MYPOP: variants seen among roughly 807,000 people sequenced by gnomAD.
The protein encoded by MYPOP is myb-related transcription factor, partner of profilin.
Under a neutral mutation model 25.7 loss-of-function variants are expected in MYPOP, and 21 were observed. The observed-to-expected ratio is 0.82, with a 90% confidence interval of 0.58 to 1.18. MYPOP has a LOEUF of 1.18. Ranked by LOEUF, MYPOP falls within the 50% of genes most tolerant of loss-of-function variation. The pLI, the probability that MYPOP is intolerant of heterozygous loss-of-function variation, is 0.00. For synonymous variants in MYPOP, 280 were observed against 247.9 expected, an observed-to-expected ratio of 1.13 and a Z score of -1.22; for missense variants, 566 against 588.3, an observed-to-expected ratio of 0.96 and a Z score of 0.39.
chr19:45,895,955 G>GA (rs1967198020), intron 2 of MYPOP, among the ~76,000 whole-genome samples: 1 of 151,648 alleles, frequency 6.6e-6, no homozygotes, highest in East Asian at 1.9e-4. Context: ...GCCAGCCAAA[G>GA]AAAGAGAGAA....
rs747733471 is a variant in MYPOP, at chr19:45,890,762, C to T, written c.1061G>A (p.Gly354Glu). 6.5e-7 allele frequency: 1 copy of T among 1,535,794 alleles called. No homozygotes were observed. Among genetic ancestry groups the T allele is most frequent in the South Asian group, 1.2e-5 (1 of 81,608 alleles). The change falls in exon 3 of 3, where the codon GGA becomes GAA. Residue 354 changes from glycine to glutamate, a missense_variant. Transcript: ENST00000322217. The stretch of plus-strand genomic sequence containing the variant: ...CTCGCTCCTTGGGGCAATGATCACT[C>T]CCCTGGCTGCCACCACTGCCCCGTC... ...VVDGAVVAAR[G>E]VIIAPRSEEG...
chr19:45,898,845 A>C (rs1044875029), intron 2 of MYPOP, among the ~76,000 whole-genome samples: 2 of 151,922 alleles, frequency 1.3e-5, no homozygotes, highest in Admixed American at 1.3e-4. Context: ...TCTGAATATG[A>C]CTTATTTATC....
Position 45,890,698 on chromosome 19 carries a change from C to T in MYPOP, c.1125G>A (p.Pro375=), listed in dbSNP as rs371161411. 1.1e-4 allele frequency: 63 copies of T among 595,546 alleles called. No homozygotes were observed. Among genetic ancestry groups the T allele is most frequent in the Middle Eastern group, 3.6e-4 (1 of 2,808 alleles). 36.9% of individuals were successfully genotyped at this position (595,546 alleles called of 1,614,324 possible). A position where few individuals can be genotyped will look rare whatever the true frequency, so the allele number is the denominator to read the frequency against. The change falls in exon 3 of 3, where the codon CCG becomes CCA. Residue 375 remains proline (P), a synonymous_variant. Coordinates refer to ENST00000322217, the MANE Select transcript of MYPOP (RefSeq NM_001012643.4). ...APRPPPAPLP[P]HDSPPHKRRK... ...TCCGCTTGTGTGGGGGGGAGTCGTG[C>T]GGAGGGAGCGGGGCTGGGGGGGGCC...
In MYPOP at chr19:45,891,223, A is replaced by T; in HGVS notation, c.600T>A (p.Arg200=). The T allele has an allele frequency of 6.5e-7, 1 of 1,538,846 alleles. No homozygotes were observed. The highest frequency in any genetic ancestry group is 8.7e-7 in the Non-Finnish European group (1 of 1,147,280). ...GCAGGGCCGAAGGGGGTGGTGACTCACGCTCCTTGGGCCGTGGGCAGCCCC... is the reference window on the plus strand; with the variant it reads ...GCAGGGCCGAAGGGGGTGGTGACTCTCGCTCCTTGGGCCGTGGGCAGCCCC... ...QEGGCPRPKE[R]ESPPPSALQP... Residue 200 remains arginine, a synonymous_variant, in exon 3 of 3, where the codon CGT becomes CGA. Transcript: ENST00000322217.
rs1967203099 is a variant in MYPOP at position 45,896,291 on chromosome 19, A to G, written c.500-4968T>C. Among the ~76,000 whole-genome samples, 4 of 151,860 alleles carry G rather than the reference A, an allele frequency of 2.6e-5. No homozygotes were observed. The South Asian group carries it at 8.3e-4, about 31-fold the overall frequency. On this transcript the variant is annotated intron_variant, in intron 2 of 2. Transcript: ENST00000322217. Reference sequence around the variant, plus strand: ...GGGCGACAGCAAGAACCTGTCTCAAAAACAAACAAGCAAGCAAACAAATCA... The same window carrying G: ...GGGCGACAGCAAGAACCTGTCTCAAGAACAAACAAGCAAGCAAACAAATCA...
In MYPOP at chr19:45,901,429, G is replaced by T. The variant is rs766962518; in HGVS notation, c.345C>A (p.Thr115=). 10 of 1,578,100 alleles carry T rather than the reference G, an allele frequency of 6.3e-6. No individual in the cohort carries two copies. The highest frequency in any genetic ancestry group is 1.4e-5 in the African/African-American group (1 of 73,024). The change falls in exon 2 of 3, where the codon ACC becomes ACA. Residue 115 remains threonine, a synonymous_variant. Coordinates refer to ENST00000322217, the MANE Select transcript of MYPOP (RefSeq NM_001012643.4). The surrounding 1 kb of genome is among the most constrained non-coding windows in gnomAD (Gnocchi z 5.7). The stretch of plus-strand genomic sequence containing the variant: ...CACCTGGCCCCAGGATGGCAAAAAT[G>T]GTCTCCTCTTCCGCGGAGAAAGCGT... The part of the protein sequence containing the change: ...AEDAFSAEEE[T]IFAILGPGVA...
intron 2 of MYPOP, among the ~76,000 whole-genome samples, chr19:45,897,547 C>A (rs1005198475): frequency 1.3e-5 from 2 of 152,148 alleles, no homozygotes; most frequent in Non-Finnish European, 2.9e-5. Flanking sequence ...AGCAGTGCCC[C>A]TGCAAGAGTT....
rs778516802 is a variant in MYPOP at position 45,891,141 on chromosome 19, G to A, written c.682C>T (p.Pro228Ser). ...LSPPPPAPPL[P>S]PPPPLAQVAP... ...ACTTGGGCCAGTGGCGGTGGGGGTG[G>A]CAGTGGAGGGGCTGGGGGTGGTGGA... Residue 228 changes from proline to serine, a missense_variant, in exon 3 of 3, where the codon CCA becomes TCA. Transcript: ENST00000322217. The A allele has an allele frequency of 9.2e-5, 132 of 1,436,774 alleles. No homozygotes were observed. The African/African-American group carries it at 1.2e-3, about 14-fold the overall frequency. 89.0% of individuals were successfully genotyped at this position (1,436,774 alleles called of 1,614,324 possible).
At position 45,901,029 on chromosome 19, in the gene MYPOP, C is replaced by T. The variant is rs1308824331; in HGVS notation, c.499+246G>A. On this transcript the variant is annotated intron_variant, in intron 2 of 2. Transcript: ENST00000322217. The surrounding 1 kb of genome is among the most constrained non-coding windows in gnomAD (Gnocchi z 5.7). ...GACACTGCATTTAATGAAATCCTGC[C>T]TGTGCTGATGACCCCAGGTGTGGAC... Among the ~76,000 whole-genome samples the T allele has an allele frequency of 3.9e-5, 6 of 152,192 alleles. No individual in the cohort carries two copies.
intron 2 of MYPOP, among the ~76,000 whole-genome samples, chr19:45,895,897 T>A (rs898680746): frequency 6.6e-6 from 1 of 151,894 alleles, no homozygotes; most frequent in African/African-American, 2.4e-5. Flanking sequence ...GAAGCTGGCC[T>A]CCTGCTCCTT....
chr19:45,901,648 C>A lies in MYPOP; in HGVS notation c.126G>T (p.Ala42=). 6.2e-7 allele frequency: 1 copy of A among 1,610,370 alleles called. No homozygotes were observed. The highest frequency in any genetic ancestry group is 8.5e-7 in the Non-Finnish European group (1 of 1,179,240). The change falls in exon 2 of 3, where the codon GCG becomes GCT. Residue 42 remains alanine, a synonymous_variant. Coordinates refer to ENST00000322217, the MANE Select transcript of MYPOP (RefSeq NM_001012643.4). This position sits in a 1 kb window ranked among gnomAD's most constrained non-coding sequence, Gnocchi z 5.7. The part of the protein sequence containing the change: ...VRAHYPQLYG[A]QSRRVSVAER... ...CTGCCACGCTCACCCGACGGCTCTG[C>A]GCGCCGTAGAGCTGCGGGTAGTGGG...
At chr19:45,896,694 C>T (rs1314479206) in intron 2 of MYPOP, among the ~76,000 whole-genome samples, 2 of 150,544 alleles carry the variant, frequency 1.3e-5, no homozygotes, top group Non-Finnish European at 3.0e-5. Flanking sequence ...GGCGCAATCT[C>T]GGCTCACTGC....
intron 1 of MYPOP, among the ~76,000 whole-genome samples, chr19:45,902,220 G>A (rs1475508224): frequency 8.2e-6 from 1 of 121,280 alleles, no homozygotes; most frequent in African/African-American, 3.1e-5. Flanking sequence ...AGGAGATGCG[G>A]AAGGGGGGAT....
intron 2 of MYPOP, among the ~76,000 whole-genome samples, chr19:45,896,567 G>C (rs1257781146): frequency 6.6e-6 from 1 of 151,980 alleles, no homozygotes; most frequent in Non-Finnish European, 1.5e-5. Flanking sequence ...AGGTGTCATA[G>C]AGTGATATGC....
At chr19:45,895,351 TTC>T (rs1454115108) in intron 2 of MYPOP, among the ~76,000 whole-genome samples, 2 of 152,156 alleles carry the variant, frequency 1.3e-5, no homozygotes, top group African/African-American at 4.8e-5. Context: ...GCTCAAGCGA[TTC>T]TCTCACCTCA....
Position 45,890,582 on chromosome 19 carries a change from C to G in MYPOP, c.*41G>C. The stretch of plus-strand genomic sequence containing the variant: ...CATCGCCCCCCTCGACTGCGCCAAG[C>G]TGGGGAGAGGGGTTGCAGGCAGGAT... On this transcript the variant is annotated 3_prime_UTR_variant, in exon 3 of 3. Transcript: ENST00000322217. The G allele has an allele frequency of 1.9e-6, 3 of 1,604,088 alleles. No individual in the cohort carries two copies. The highest frequency in any genetic ancestry group is 2.6e-6 in the Non-Finnish European group (3 of 1,174,500).
intron 2 of MYPOP, among the ~76,000 whole-genome samples, chr19:45,891,917 T>C (rs1040835628): frequency 6.6e-6 from 1 of 152,098 alleles, no homozygotes; most frequent in Non-Finnish European, 1.5e-5. Context: ...CAACAGTTTT[T>C]TTATTTTTTT....
chr19:45,898,511 C>T (rs571272325), intron 2 of MYPOP, among the ~76,000 whole-genome samples: 3 of 151,942 alleles, frequency 2.0e-5, no homozygotes, highest in South Asian at 4.2e-4. Flanking sequence ...TTAGTAGAGA[C>T]GGGGTTTCTC....
Position 45,901,956 on chromosome 19 carries a change from C to CG in MYPOP, c.-52-132dup. On this transcript the variant is annotated intron_variant, in intron 1 of 2. Transcript: ENST00000322217. This position sits in a 1 kb window ranked among gnomAD's most constrained non-coding sequence, Gnocchi z 5.7. Reference sequence around the variant, plus strand: ...GGGGGCGGGGGGCGGGCGGGGGCGACGGGCACCCGGGTAAGTCGGAAGCGC... The same window carrying CG: ...GGGGGCGGGGGGCGGGCGGGGGCGACGGGGCACCCGGGTAAGTCGGAAGCGC... 1 of 405,348 alleles carries CG rather than the reference C, an allele frequency of 2.5e-6. No homozygotes were observed. The highest frequency in any genetic ancestry group is 4.1e-6 in the Non-Finnish European group (1 of 243,136). 25.1% of individuals were successfully genotyped at this position (405,348 alleles called of 1,614,324 possible). A position where few individuals can be genotyped will look rare whatever the true frequency, so the allele number is the denominator to read the frequency against.
Sources: allele counts gnomAD v4.1 joint callset (sites outside exome capture counted in the v4.1 genomes callset), GRCh38; gene constraint gnomAD v4.1.1; non-coding constraint Gnocchi (gnomAD v3.1); transcripts MANE v1.5; gene names NCBI Gene and HGNC (gene_info 2026-07-23, HGNC 2026-07-21).